Variants in DUOX1 observed in about 807,000 individuals in gnomAD.
The protein encoded by DUOX1 is NADPH thyroid oxidase 1.
In DUOX1, 134 loss-of-function variants were observed where a neutral mutation model predicts 181.8. That is an observed-to-expected ratio of 0.74 (90% CI 0.64 to 0.85). The LOEUF (loss-of-function observed/expected upper bound fraction) is 0.85. Ranked by LOEUF, DUOX1 falls within the 40% of genes least tolerant of loss-of-function variation. The pLI is 0.00. For synonymous variants in DUOX1, 798 were observed against 832.5 expected (o/e 0.96, Z 0.71); for missense variants, 1,814 against 2,064.4 (o/e 0.88, Z 2.35).
intron 25 of DUOX1, 153 bp from the exon 26 acceptor site, chr15:45,153,219 TAAAAAAAA>T (rs71114313): frequency 6.2e-4 from 125 of 200,262 alleles, no homozygotes; most frequent in Middle Eastern, 1.8e-3. Flanking sequence ...AGACTCCATC[TAAAAAAAA>T]AAAAAAAAAA....
In DUOX1 at chr15:45,164,903, C is replaced by T. The variant is rs556192970; in HGVS notation, c.*2C>T. 1.1e-5 allele frequency: 18 copies of T among 1,614,064 alleles called. No individual in the cohort carries two copies. The African/African-American group carries it at 2.1e-4, about 19-fold the overall frequency. On this transcript the variant is annotated 3_prime_UTR_variant, in exon 34 of 34. Coordinates refer to ENST00000389037, the MANE Select transcript of DUOX1 (RefSeq NM_175940.3). ...TCCCACCATTATGAGAACTTCTAGGCCCCTGCCCGGGGGTTCTGCCCACTG... is the reference window on the plus strand; with the variant it reads ...TCCCACCATTATGAGAACTTCTAGGTCCCTGCCCGGGGGTTCTGCCCACTG...
chr15:45,153,275 T>C, intron 25 of DUOX1, 105 bp from the exon 26 acceptor site: 1 of 771,298 alleles, frequency 1.3e-6, no homozygotes, highest in South Asian at 1.4e-5. Flanking sequence ...CCTAAGGTAC[T>C]TCTCTGGGAC....
intron 21 of DUOX1, 114 bp downstream of exon 21, chr15:45,148,561 A>T: frequency 1.6e-6 from 2 of 1,213,084 alleles, no homozygotes; most frequent in Non-Finnish European, 2.3e-6. Context: ...ATCAGAAGAA[A>T]AAAATGAATG....
chr15:45,162,277 C>T lies in DUOX1; in HGVS notation c.4148C>T (p.Ser1383Leu). The T allele has an allele frequency of 6.2e-7, 1 of 1,613,576 alleles. No homozygotes were observed. Among genetic ancestry groups the T allele is most frequent in the Non-Finnish European group, 8.5e-7 (1 of 1,179,760 alleles). ...GHQEWHKFEV[S>L]VLVGGGIGVT... ...CAGGAGTGGCATAAGTTTGAGGTGT[C>T]AGTGTTAGTGGGAGGGGGCATTGGG... The change falls in exon 31 of 34, where the codon TCA becomes TTA. Residue 1383 changes from serine (S) to leucine (L), a missense_variant. Physicochemically the swap from Ser to Leu is moderately radical, Grantham distance 145. Around this residue, in one of 5 missense-constraint regions of DUOX1, gnomAD observed 279 missense variants for 381.9 expected, o/e 0.73. Transcript: ENST00000389037.
chr15:45,148,114 TA>T, intron 20 of DUOX1, 117 bp downstream of exon 20: 1 of 1,425,556 alleles, frequency 7.0e-7, no homozygotes, highest in Non-Finnish European at 9.8e-7. Context: ...CTTACCCATG[TA>T]ACCAGAGGCT....
At position 45,142,255 on chromosome 15, in the gene DUOX1, A is replaced by G. The variant is rs1896519214; in HGVS notation, c.1822+143A>G. ...AGGAGAATGAAACATTAGAGGAGGAAGGGACAAGAGAAGTGTTTGACCTGC... is the reference window on the plus strand; with the variant it reads ...AGGAGAATGAAACATTAGAGGAGGAGGGGACAAGAGAAGTGTTTGACCTGC... On this transcript the variant is annotated intron_variant, in intron 15 of 33. Coordinates refer to ENST00000389037, the MANE Select transcript of DUOX1 (RefSeq NM_175940.3). 4.1e-5 allele frequency: 41 copies of G among 1,010,988 alleles called. 1 individual carries two copies. In the South Asian group the frequency reaches 5.8e-4, roughly 14 times the overall value. 62.6% of individuals were successfully genotyped at this position (1,010,988 alleles called of 1,614,324 possible). A position where few individuals can be genotyped will look rare whatever the true frequency, so the allele number is the denominator to read the frequency against.
In DUOX1 at chr15:45,165,009, A is replaced by C; in HGVS notation, c.*108A>C. The C allele has an allele frequency of 2.3e-6, 3 of 1,281,958 alleles. No homozygotes were observed. The highest frequency in any genetic ancestry group is 2.2e-6 in the Non-Finnish European group (2 of 909,972). 79.4% of individuals were successfully genotyped at this position (1,281,958 alleles called of 1,614,324 possible). On this transcript the variant is annotated 3_prime_UTR_variant, in exon 34 of 34. Coordinates refer to ENST00000389037, the MANE Select transcript of DUOX1 (RefSeq NM_175940.3). ...CTGCCTCAGCCTTCTCTGATTTCCC[A>C]CCTCCCAACCTTGTTCCAGGTGGCC... is the stretch of plus-strand genomic sequence containing the variant.
intron 2 of DUOX1, 57 bp from the exon 3 acceptor site, chr15:45,133,807 G>A: frequency 6.7e-7 from 1 of 1,500,918 alleles, no homozygotes; most frequent in Non-Finnish European, 9.2e-7. Flanking sequence ...CGGCAGGCCT[G>A]CCTGTCCTCT....
intron 25 of DUOX1, chr15:45,152,835 G>A (rs1896851542): frequency 2.1e-6 from 1 of 476,484 alleles, no homozygotes; most frequent in African/African-American, 2.0e-5. Context: ...GCAAAGGAGT[G>A]AACTTCTAAT....
At chr15:45,150,932 G>A (rs1896785598) in intron 22 of DUOX1, among the ~76,000 whole-genome samples, 191 bp from the exon 23 acceptor site, 1 of 152,186 alleles carries the variant, frequency 6.6e-6, no homozygotes, top group Non-Finnish European at 1.5e-5. Flanking sequence ...AAGGGTAAAG[G>A]CATATGCAGC....
chr15:45,143,991 C>T, intron 16 of DUOX1, 45 bp from the exon 17 acceptor site: 1 of 1,602,252 alleles, frequency 6.2e-7, no homozygotes, highest in South Asian at 1.1e-5. Context: ...CCCAATGTAC[C>T]TCTGATGGGT....
At chr15:45,136,229 T>G in intron 7 of DUOX1, 121 bp from the exon 8 acceptor site, 1 of 1,496,840 alleles carries the variant, frequency 6.7e-7, no homozygotes, top group African/African-American at 1.4e-5. Context: ...TTTGAGTTGC[T>G]TCTCCCATGA....
chr15:45,163,509 G>A (rs772252809), intron 31 of DUOX1, 23 bp from the exon 32 acceptor site: 212 of 1,613,288 alleles, frequency 1.3e-4, no homozygotes, highest in Non-Finnish European at 1.7e-4. Flanking sequence ...GATGGGTCCT[G>A]AACTCCAGCC....
chr15:45,139,182 T>C lies in DUOX1; in HGVS notation c.1216+14T>C. 6.2e-7 allele frequency: 1 copy of C among 1,614,094 alleles called. No individual in the cohort carries two copies. The highest frequency in any genetic ancestry group is 8.5e-7 in the Non-Finnish European group (1 of 1,180,012). On this transcript the variant is annotated intron_variant, in intron 11 of 33. Transcript: ENST00000389037. ...AAGATGTGCGGGGTGAGTCTGAGGC[T>C]GTCCCTGCAGGTTGTGAACTCCTGG...
Position 45,134,305 on chromosome 15 carries a change from C to G in DUOX1, c.303C>G (p.Phe101Leu). 6.3e-7 allele frequency: 1 copy of G among 1,593,840 alleles called. No homozygotes were observed. ...SLRNRTVLGV[F>L]FGYHVLSDLV... is the part of the protein sequence containing the mutation. ...GAAACCGCACAGTGTTGGGGGTCTT[C>G]TTTGGTGAGAACTTCAACCTCTGGG... The change falls in exon 4 of 34, where the codon TTC becomes TTG. Residue 101 changes from phenylalanine to leucine, a missense_variant. Around this residue, in one of 5 missense-constraint regions of DUOX1, gnomAD observed 320 missense variants for 313.1 expected, o/e 1.02. Coordinates refer to ENST00000389037, the MANE Select transcript of DUOX1 (RefSeq NM_175940.3).
chr15:45,156,464 G>A (rs968384651), intron 28 of DUOX1, among the ~76,000 whole-genome samples: 5 of 152,116 alleles, frequency 3.3e-5, no homozygotes, highest in Admixed American at 2.6e-4. Flanking sequence ...ACAGAGTCTC[G>A]CCCTGTCGCC....
rs532277254 is a variant in DUOX1, at chr15:45,162,521, T to G, written c.4248+144T>G. 3.8e-6 allele frequency: 4 copies of G among 1,060,006 alleles called. No individual in the cohort carries two copies. The South Asian group carries it at 6.9e-5, about 18-fold the overall frequency. The allele number at this position is 1,060,006 out of a possible 1,614,324, so 65.7% of individuals were successfully genotyped here. A position where few individuals can be genotyped will look rare whatever the true frequency, so the allele number is the denominator to read the frequency against. On this transcript the variant is annotated intron_variant, in intron 31 of 33. Coordinates refer to ENST00000389037, the MANE Select transcript of DUOX1 (RefSeq NM_175940.3). Reference sequence around the variant, plus strand: ...TGGTTTGAAACCTGGGGTTGGGTGGTGAGTGGGGTGGTATCAGGATATCCC... The same window carrying G: ...TGGTTTGAAACCTGGGGTTGGGTGGGGAGTGGGGTGGTATCAGGATATCCC...
intron 12 of DUOX1, 27 bp from the exon 13 acceptor site, chr15:45,140,868 C>T: frequency 6.2e-7 from 1 of 1,609,726 alleles, no homozygotes; most frequent in Non-Finnish European, 8.5e-7. Context: ...TGTCCTTTCT[C>T]TTACTTCTGC....
chr15:45,152,416 C>T lies in DUOX1; in HGVS notation c.3324C>T (p.Leu1108=). 1 of 1,614,236 alleles carries T rather than the reference C, an allele frequency of 6.2e-7. No individual in the cohort carries two copies. The highest frequency in any genetic ancestry group is 1.7e-5 in the Admixed American group (1 of 60,034). ...TCTTGCTCACCATGTGCCGCAACCT[C>T]ATCACCTTCCTGCGAGAAACCTTCC... ...SYILLTMCRN[L]ITFLRETFLN... is the part of the protein sequence containing the mutation. The change falls in exon 25 of 34, where the codon CTC becomes CTT. Residue 1108 remains leucine (L), a synonymous_variant. Transcript: ENST00000389037.
Sources: allele counts gnomAD v4.1 joint callset (sites outside exome capture counted in the v4.1 genomes callset), GRCh38; gene constraint gnomAD v4.1.1; regional missense constraint gnomAD v4.1.1; transcripts MANE v1.5; gene names NCBI Gene and HGNC (gene_info 2026-07-23, HGNC 2026-07-21).